The following SWT1 variants were observed in gnomAD, a reference collection of about 807,000 sequenced individuals.
The protein encoded by SWT1 is transcriptional protein SWT1.
A neutral mutation model predicts 107.3 loss-of-function variants in SWT1; 33 were observed. The observed-to-expected ratio is 0.31, with a 90% CI of 0.23 to 0.41. The LOEUF is 0.41. SWT1 is among the 10% of genes least tolerant of loss of function. SWT1 has a pLI of 1.00. For missense variants in SWT1, 898 were observed against 1,028.9 expected, an observed-to-expected ratio of 0.87 and a Z score of 1.74; for synonymous variants, 345 against 348.3, an observed-to-expected ratio of 0.99 and a Z score of 0.11.
intron 5 of SWT1, chr1:185,177,000 A>G: frequency 1.0e-6 from 1 of 974,942 alleles, no homozygotes. Flanking sequence ...AAAAAAAAAA[A>G]AGACTATGGA....
chr1:185,271,298 C>G (rs1440894499), intron 16 of SWT1, 25 bp from the exon 17 acceptor site: 8 of 1,248,482 alleles, frequency 6.4e-6, no homozygotes, highest in South Asian at 2.4e-5. Flanking sequence ...TTATTCCCCC[C>G]CTTTGTTTTT....
chr1:185,210,815 TCTC>T (rs1658734053), intron 13 of SWT1, among the ~76,000 whole-genome samples: 1 of 152,028 alleles, frequency 6.6e-6, no homozygotes, highest in Non-Finnish European at 1.5e-5. Context: ...CATCCCAAAA[TCTC>T]CTTAAGCTGA....
intron 16 of SWT1, among the ~76,000 whole-genome samples, chr1:185,237,410 A>T (rs1416546548): frequency 6.6e-6 from 1 of 152,166 alleles, no homozygotes; most frequent in Admixed American, 6.5e-5. Flanking sequence ...AGGGAGATGG[A>T]TGACTCTGGA....
chr1:185,181,998 T>C lies in SWT1; in HGVS notation c.1079T>C (p.Leu360Ser), dbSNP rs1156631153. ...HAARVGKSVD[L>S]PGELMSMEID... ...GCACGTGTGGGAAAAAGTGTGGATT[T>C]ACCTGGAGAGTTAATGAGTATGGAA... The change falls in exon 7 of 19, where the codon TTA (leucine) becomes TCA (serine). Residue 360 changes from leucine to serine, a missense_variant. Leu to Ser is a moderately radical substitution (Grantham distance 145, BLOSUM62 -2). Around this residue, in one of 6 missense-constraint regions of SWT1, gnomAD observed 94 missense variants for 114.5 expected, o/e 0.82. Coordinates refer to ENST00000367500, the MANE Select transcript of SWT1 (RefSeq NM_017673.7). 5.0e-6 allele frequency: 8 copies of C among 1,613,772 alleles called. No homozygotes were observed. Among genetic ancestry groups the C allele is most frequent in the Non-Finnish European group, 5.9e-6 (7 of 1,179,850 alleles).
At chr1:185,223,991 G>A (rs1659868158) in intron 15 of SWT1, among the ~76,000 whole-genome samples, 1 of 152,200 alleles carries the variant, frequency 6.6e-6, no homozygotes, top group Non-Finnish European at 1.5e-5. Context: ...ATGAGATCAT[G>A]TCCTTTGCAG....
chr1:185,189,186 G>A (rs905049936), intron 9 of SWT1, among the ~76,000 whole-genome samples: 9 of 151,698 alleles, frequency 5.9e-5, no homozygotes, highest in Admixed American at 5.3e-4. Context: ...GCAGAGTCTC[G>A]CCATGTTGCC....
In SWT1 at chr1:185,187,062, T is replaced by C. The variant is rs1386132512; in HGVS notation, c.1429+2131T>C. Among the ~76,000 whole-genome samples, 351 of 148,228 alleles carry C rather than the reference T, an allele frequency of 2.4e-3. No homozygotes were observed. The East Asian group carries it at 0.043, about 18-fold the overall frequency. On this transcript the variant is annotated intron_variant, in intron 9 of 18. Coordinates refer to ENST00000367500, the MANE Select transcript of SWT1 (RefSeq NM_017673.7). The stretch of plus-strand genomic sequence containing the variant: ...GAGCCACCGCGCCCAGCTTTTTTTT[T>C]TTTTTTTTTTAAAAGAGTCTTCGTT...
chr1:185,232,774 A>G (rs1188670074), intron 16 of SWT1, among the ~76,000 whole-genome samples: 1 of 152,186 alleles, frequency 6.6e-6, no homozygotes, highest in Non-Finnish European at 1.5e-5. Flanking sequence ...CCTTCTGGGG[A>G]AATCACTTGT....
intron 16 of SWT1, among the ~76,000 whole-genome samples, chr1:185,266,841 A>G (rs1252168693): frequency 6.6e-6 from 1 of 152,166 alleles, no homozygotes; most frequent in Non-Finnish European, 1.5e-5. Context: ...CTGTTAACCA[A>G]CTTGCTTTGT....
chr1:185,184,987 CATT>C, intron 9 of SWT1, 56 bp downstream of exon 9: 2 of 1,222,588 alleles, frequency 1.6e-6, no homozygotes, highest in Non-Finnish European at 2.2e-6. Context: ...GGTGCAGACT[CATT>C]ATTGGAGGGA....
intron 13 of SWT1, among the ~76,000 whole-genome samples, chr1:185,210,016 A>G (rs1287754084): frequency 6.6e-6 from 1 of 152,182 alleles, no homozygotes; most frequent in Non-Finnish European, 1.5e-5. Flanking sequence ...GGCTGCATAA[A>G]TGTCTTCTTT....
At chr1:185,248,919 A>G (rs1028482329) in intron 16 of SWT1, among the ~76,000 whole-genome samples, 4 of 152,114 alleles carry the variant, frequency 2.6e-5, no homozygotes, top group Admixed American at 6.5e-5. Flanking sequence ...ATGTTCTGGT[A>G]TCTATTGCTG....
intron 16 of SWT1, among the ~76,000 whole-genome samples, chr1:185,247,083 G>T (rs571669794): frequency 2.3e-4 from 35 of 152,216 alleles, no homozygotes; most frequent in African/African-American, 8.2e-4. Flanking sequence ...TAGGTTTCTT[G>T]TTGGAATCCC....
chr1:185,176,816 C>T (rs1320384723), intron 5 of SWT1: 3 of 484,980 alleles, frequency 6.2e-6, no homozygotes, highest in Non-Finnish European at 5.4e-6. Flanking sequence ...AACATCATCT[C>T]TACTAAAAAT....
chr1:185,216,623 GC>G (rs1248216421), intron 14 of SWT1, among the ~76,000 whole-genome samples: 1 of 152,110 alleles, frequency 6.6e-6, no homozygotes, highest in Non-Finnish European at 1.5e-5. Context: ...ATAATGATAT[GC>G]CTACTACGTA....
At chr1:185,256,780 T>C (rs1662568260) in intron 16 of SWT1, among the ~76,000 whole-genome samples, 1 of 152,194 alleles carries the variant, frequency 6.6e-6, no homozygotes, top group Non-Finnish European at 1.5e-5. Context: ...TTTTCTCAGC[T>C]CGTCAAAGTC....
rs1402459963 is a variant in SWT1, at chr1:185,157,275, T to C, written c.-49T>C. 2.6e-5 allele frequency: 4 copies of C among 152,844 alleles called. No homozygotes were observed. Among genetic ancestry groups the C allele is most frequent in the African/African-American group, 7.2e-5 (3 of 41,422 alleles). The allele number at this position is 152,844 out of a possible 1,614,324, so 9.5% of individuals were successfully genotyped here. A position where few individuals can be genotyped will look rare whatever the true frequency, so the allele number is the denominator to read the frequency against. On this transcript the variant is annotated 5_prime_UTR_variant, in exon 1 of 19. Coordinates refer to ENST00000367500, the MANE Select transcript of SWT1 (RefSeq NM_017673.7). ...GAGGCGGGGGTCCCTCTCCTTTGGC[T>C]TGGGGCTCCGGAGTTGCCACTGCCG... is the stretch of plus-strand genomic sequence containing the variant.
At chr1:185,174,150 GTTGT>G (rs1298217966) in intron 4 of SWT1, among the ~76,000 whole-genome samples, 2 of 152,038 alleles carry the variant, frequency 1.3e-5, no homozygotes, top group African/African-American at 2.4e-5. Context: ...TGGAATTTAT[GTTGT>G]TTGTTACTAT....
chr1:185,167,395 T>C (rs1170839110), intron 3 of SWT1, among the ~76,000 whole-genome samples: 2 of 152,226 alleles, frequency 1.3e-5, no homozygotes, highest in Admixed American at 6.5e-5. Flanking sequence ...GTAATGTACT[T>C]AGAACATTCA....
Sources: allele counts gnomAD v4.1 joint callset (sites outside exome capture counted in the v4.1 genomes callset), GRCh38; gene constraint gnomAD v4.1.1; regional missense constraint gnomAD v4.1.1; transcripts MANE v1.5; gene names NCBI Gene and HGNC (gene_info 2026-07-23, HGNC 2026-07-21).